The following EYS variants were observed in gnomAD, a reference collection of about 807,000 sequenced individuals.
The protein encoded by EYS is protein eyes shut homolog.
In EYS, 250 loss-of-function variants were observed where a neutral mutation model predicts 282.1. The ratio of observed to expected loss-of-function variants is 0.89; its 90% CI spans 0.80 to 0.98. The LOEUF (loss-of-function observed/expected upper bound fraction) is 0.98, where lower values mean the gene tolerates loss of function less well. Ranked by LOEUF, EYS falls within the 50% of genes least tolerant of loss-of-function variation. EYS has a pLI of 0.00. For synonymous variants in EYS, 1,355 were observed against 1,282.9 expected (o/e 1.06, Z -1.20); for missense variants, 4,016 against 3,709.0 (o/e 1.08, Z -2.15).
chr6:64,998,576 A>G (rs1230280631), intron 13 of EYS, among the ~76,000 whole-genome samples: 1 of 152,226 alleles, frequency 6.6e-6, no homozygotes, highest in African/African-American at 2.4e-5. Context: ...GGGCAGTCAT[A>G]GACATCAACA....
chr6:64,913,702 G>T (rs1768074791), intron 15 of EYS, among the ~76,000 whole-genome samples: 2 of 152,222 alleles, frequency 1.3e-5, no homozygotes, highest in Admixed American at 1.3e-4. Context: ...CTTGTGAATA[G>T]CACTATGATA....
rs1480457237 is a variant in EYS, at chr6:65,296,119, T to A, written c.1767A>T (p.Arg589Ser). ...CAATGTAACTAAGAGAACAGCTGCA[T>A]CTGAAACACAGAGAAATGAAAAACC... The part of the protein sequence containing the change: ...AVCKDEINRP[R>S]CSCSLSYIGR... Residue 589 changes from arginine (R) to serine (S), a missense_variant and splice_region_variant, in exon 12 of 43, where the codon AGA (arginine) becomes AGT (serine). Arg to Ser is a moderately radical substitution (Grantham distance 110, BLOSUM62 -1). Transcript: ENST00000503581. The A allele has an allele frequency of 6.5e-7, 1 of 1,541,574 alleles. No individual in the cohort carries two copies. Among genetic ancestry groups the A allele is most frequent in the East Asian group, 2.5e-5 (1 of 40,650 alleles).
chr6:63,738,003 C>T (rs370897381), intron 41 of EYS, among the ~76,000 whole-genome samples: 1 of 152,094 alleles, frequency 6.6e-6, no homozygotes, highest in Non-Finnish European at 1.5e-5. Context: ...CCATCACTGG[C>T]CATCAGAGAA....
chr6:65,400,964 C>T (rs1766472148), intron 7 of EYS, among the ~76,000 whole-genome samples: 1 of 151,876 alleles, frequency 6.6e-6, no homozygotes, highest in Non-Finnish European at 1.5e-5. Context: ...TATGGTGTCT[C>T]CAGATCAGGA....
intron 22 of EYS, among the ~76,000 whole-genome samples, chr6:64,649,886 G>T (rs1028041918): frequency 6.6e-6 from 1 of 151,902 alleles, no homozygotes; most frequent in Non-Finnish European, 1.5e-5. Flanking sequence ...CATGGCCCAA[G>T]GAAATAGAAT....
At chr6:64,259,522 G>A (rs1209143304) in intron 30 of EYS, among the ~76,000 whole-genome samples, 1 of 151,878 alleles carries the variant, frequency 6.6e-6, no homozygotes, top group Non-Finnish European at 1.5e-5. Context: ...AGGAGATCCT[G>A]CCCCTCCGTC....
chr6:63,964,838 A>G (rs577613389), intron 35 of EYS, among the ~76,000 whole-genome samples: 2 of 152,326 alleles, frequency 1.3e-5, no homozygotes, highest in East Asian at 3.9e-4. Flanking sequence ...ATTTCAGGCT[A>G]CAGTAGACAG....
chr6:64,433,525 A>G (rs777524089), intron 28 of EYS, among the ~76,000 whole-genome samples: 5 of 152,036 alleles, frequency 3.3e-5, no homozygotes, highest in Non-Finnish European at 7.4e-5. Flanking sequence ...TATTACTTCA[A>G]ACAAACCAAA....
At chr6:65,609,108 T>A (rs1278724951) in intron 2 of EYS, among the ~76,000 whole-genome samples, 1 of 152,022 alleles carries the variant, frequency 6.6e-6, no homozygotes, top group Non-Finnish European at 1.5e-5. Context: ...CATAATTATA[T>A]TTGCTTATAT....
chr6:64,811,993 G>A (rs1045536890), intron 22 of EYS, among the ~76,000 whole-genome samples: 1 of 151,916 alleles, frequency 6.6e-6, no homozygotes, highest in Non-Finnish European at 1.5e-5. Flanking sequence ...GTATTTCCAT[G>A]AATTGAATCC....
intron 2 of EYS, among the ~76,000 whole-genome samples, chr6:65,581,845 C>T (rs1362995716): frequency 6.6e-6 from 1 of 151,876 alleles, no homozygotes; most frequent in Non-Finnish European, 1.5e-5. Context: ...ACATCCAAGT[C>T]TTTAGTGCAC....
At chr6:65,309,453 T>C (rs747795254) in intron 11 of EYS, among the ~76,000 whole-genome samples, 4 of 152,196 alleles carry the variant, frequency 2.6e-5, no homozygotes, top group Non-Finnish European at 4.4e-5. Flanking sequence ...TCATATCTTG[T>C]TACAAATGTT....
chr6:64,651,359 T>A (rs1182921142), intron 22 of EYS, among the ~76,000 whole-genome samples: 2 of 152,226 alleles, frequency 1.3e-5, no homozygotes, highest in Admixed American at 6.5e-5. Context: ...GTTCAAAAAT[T>A]ATGTTTGTTT....
intron 33 of EYS, among the ~76,000 whole-genome samples, chr6:64,049,771 TA>T (rs1770745307): frequency 6.6e-6 from 1 of 152,230 alleles, no homozygotes; most frequent in Admixed American, 6.5e-5. Flanking sequence ...ACTAAAATAC[TA>T]AGAACATTGA....
chr6:64,593,947 C>T (rs1417722186), intron 24 of EYS, among the ~76,000 whole-genome samples: 1 of 152,094 alleles, frequency 6.6e-6, no homozygotes, highest in African/African-American at 2.4e-5. Flanking sequence ...GAGTTAAAAA[C>T]AAGTTATACT....
Position 64,899,990 on chromosome 6 carries a change from G to C in EYS, c.2846+2123C>G, listed in dbSNP as rs567681234. Reference sequence around the variant, plus strand: ...ACCTGACTTCAAACTATACTATAAGGATACAGTAACCAAAACAGCATGGTG... The same window carrying C: ...ACCTGACTTCAAACTATACTATAAGCATACAGTAACCAAAACAGCATGGTG... On this transcript the variant is annotated intron_variant, in intron 18 of 42. Transcript: ENST00000503581. Among the ~76,000 whole-genome samples the C allele has an allele frequency of 3.9e-5, 6 of 152,196 alleles. 1 individual carries two copies. The South Asian group carries it at 1.2e-3, about 32-fold the overall frequency.
At chr6:64,623,416 G>C (rs1331287128) in intron 23 of EYS, among the ~76,000 whole-genome samples, 1 of 152,056 alleles carries the variant, frequency 6.6e-6, no homozygotes, top group East Asian at 1.9e-4. Context: ...GTGGTTCTGG[G>C]ACTCTGTTTC....
chr6:65,331,069 A>G, intron 11 of EYS: 1 of 984,180 alleles, frequency 1.0e-6, no homozygotes, highest in Non-Finnish European at 1.2e-6. Flanking sequence ...GTAGTCTGTC[A>G]TGTCATATGG....
chr6:65,331,725 A>G, intron 11 of EYS: 2 of 981,382 alleles, frequency 2.0e-6, no homozygotes, highest in South Asian at 4.7e-5. Context: ...TCATTGTTTC[A>G]TTAAACAAGT....
Sources: gnomAD v4.1 joint callset for allele counts (sites outside exome capture counted in the v4.1 genomes callset) on GRCh38, gnomAD v4.1.1 for gene constraint, MANE v1.5 for transcripts, NCBI Gene and HGNC (gene_info 2026-07-23, HGNC 2026-07-21) for gene names.